LRRC7: variants seen among roughly 807,000 people sequenced by gnomAD.
LRRC7 encodes the protein leucine rich repeat containing 7.
A neutral mutation model predicts 175.7 loss-of-function variants in LRRC7; 23 were observed. The ratio of observed to expected loss-of-function variants is 0.13; its 90% CI spans 0.09 to 0.19. The LOEUF is 0.19. LRRC7 is among the 10% of genes least tolerant of loss of function. LRRC7 has a pLI of 1.00. For missense variants in LRRC7, 1,354 were observed against 1,904.7 expected, an observed-to-expected ratio of 0.71 and a Z score of 5.38; for synonymous variants, 685 against 680.9, an observed-to-expected ratio of 1.01 and a Z score of -0.09.
At position 69,812,898 on chromosome 1, in the gene LRRC7, A is replaced by G. The variant is rs150119264; in HGVS notation, c.422-12850A>G. ...GGTAGATGTTTTAGATCATCACCTC[A>G]AGCTATTGATGCGAAACTGTAACTA... On this transcript the variant is annotated intron_variant, in intron 4 of 26. Coordinates refer to ENST00000651989, the MANE Select transcript of LRRC7 (RefSeq NM_001370785.2). Among the ~76,000 whole-genome samples, 735 of 152,250 alleles carry G rather than the reference A, an allele frequency of 4.8e-3. 5 individuals are homozygous for G. Among genetic ancestry groups the G allele is most frequent in the African/African-American group, 0.016 (667 of 41,566 alleles).
intron 26 of LRRC7, among the ~76,000 whole-genome samples, chr1:70,120,183 C>T (rs1448912418): frequency 6.6e-6 from 1 of 152,036 alleles, no homozygotes; most frequent in African/African-American, 2.4e-5. Flanking sequence ...TAACGCAGAG[C>T]AAGAAATCTG....
chr1:69,781,757 G>A (rs1222102576), intron 3 of LRRC7, among the ~76,000 whole-genome samples: 1 of 50,208 alleles, frequency 2.0e-5, no homozygotes, highest in Non-Finnish European at 3.4e-5. Context: ...GAGAGAGAGA[G>A]AGAGAGAGAA....
At chr1:69,737,924 G>A (rs1430483946) in intron 2 of LRRC7, among the ~76,000 whole-genome samples, 2 of 152,036 alleles carry the variant, frequency 1.3e-5, no homozygotes, top group South Asian at 2.1e-4. Context: ...TTGTAAGACA[G>A]GAGGCAAAGG....
chr1:70,120,106 C>A (rs1393784926), intron 26 of LRRC7, among the ~76,000 whole-genome samples: 1 of 151,998 alleles, frequency 6.6e-6, no homozygotes, highest in Non-Finnish European at 1.5e-5. Flanking sequence ...ATGCTGTATT[C>A]TTTACTCTTC....
intron 1 of LRRC7, among the ~76,000 whole-genome samples, chr1:69,671,642 C>T (rs150844571): frequency 1.2e-4 from 18 of 152,208 alleles, no homozygotes; most frequent in African/African-American, 4.1e-4. Context: ...GCATTTTAGC[C>T]CATGGTAGTG....
At chr1:69,579,679 G>A (rs1254899438) in intron 1 of LRRC7, among the ~76,000 whole-genome samples, 2 of 152,078 alleles carry the variant, frequency 1.3e-5, no homozygotes, top group African/African-American at 2.4e-5. Flanking sequence ...GTAGCCATTA[G>A]CACAGTTTCC....
At chr1:69,870,571 A>T (rs183815667) in intron 7 of LRRC7, among the ~76,000 whole-genome samples, 89 of 152,244 alleles carry the variant, frequency 5.8e-4, no homozygotes, top group Admixed American at 2.7e-3. Context: ...TATGAAAAAA[A>T]TATCTCACCA....
chr1:69,686,609 CATT>C (rs1661180618), intron 2 of LRRC7, among the ~76,000 whole-genome samples: 1 of 151,884 alleles, frequency 6.6e-6, no homozygotes, highest in South Asian at 2.1e-4. Flanking sequence ...CACTCAAAAA[CATT>C]ATAAGTAAAT....
Position 69,568,317 on chromosome 1 carries a change from C to G in LRRC7, c.-323C>G, listed in dbSNP as rs186591746. The G allele has an allele frequency of 1.4e-4, 29 of 202,734 alleles. 1 individual carries two copies. The Admixed American group carries it at 1.8e-3, about 13-fold the overall frequency. 12.6% of individuals were successfully genotyped at this position (202,734 alleles called of 1,614,324 possible). On this transcript the variant is annotated 5_prime_UTR_variant, in exon 1 of 27. Transcript: ENST00000651989. ...CCGCCGCTGCTGCTGCGGTCGCTAG[C>G]GCGGCGCGCTGGGCAGGCTGAGGCT...
chr1:69,850,857 A>G (rs1682899086), intron 7 of LRRC7, among the ~76,000 whole-genome samples: 1 of 152,140 alleles, frequency 6.6e-6, no homozygotes, highest in South Asian at 2.1e-4. Flanking sequence ...GCTCAGGGAG[A>G]TAGATAAATT....
chr1:69,765,078 C>T (rs1242675144), intron 3 of LRRC7, among the ~76,000 whole-genome samples: 1 of 152,034 alleles, frequency 6.6e-6, no homozygotes, highest in Non-Finnish European at 1.5e-5. Context: ...TACACACTTA[C>T]ATCAACACAT....
intron 1 of LRRC7, among the ~76,000 whole-genome samples, chr1:69,596,798 C>T (rs549316696): frequency 1.8e-4 from 28 of 152,274 alleles, no homozygotes; most frequent in Non-Finnish European, 2.8e-4. Flanking sequence ...CAAGTTCACC[C>T]ACAAGTGGAC....
chr1:69,856,716 CT>C (rs1683681573), intron 7 of LRRC7, among the ~76,000 whole-genome samples: 1 of 152,170 alleles, frequency 6.6e-6, no homozygotes, highest in African/African-American at 2.4e-5. Context: ...CCTTCTGAAA[CT>C]ATTCCAATCA....
In LRRC7 at chr1:69,795,911, G is replaced by GTT. The variant is rs139511941; in HGVS notation, c.421+3751_421+3752insTT. On this transcript the variant is annotated intron_variant, in intron 4 of 26. Transcript: ENST00000651989. ...AATTTGAGTAAACAGATTTTTTTTG[G>GTT]GTTTTTTTTTGTTTTTTTCTTATTT... 5.8e-3 allele frequency among the ~76,000 whole-genome samples: 553 copies of GTT among 94,950 alleles called. 2 individuals carry two copies. The highest frequency in any genetic ancestry group is 0.016 in the African/African-American group (444 of 27,446). 62.3% of individuals were successfully genotyped at this position (94,950 alleles called of 152,430 possible).
intron 8 of LRRC7, among the ~76,000 whole-genome samples, chr1:69,954,415 G>T (rs1309240834): frequency 6.6e-6 from 1 of 152,002 alleles, no homozygotes; most frequent in African/African-American, 2.4e-5. Context: ...AAGTGATTTT[G>T]ATGTGATTAA....
chr1:69,659,201 A>G (rs981384038), intron 1 of LRRC7, among the ~76,000 whole-genome samples: 2 of 152,006 alleles, frequency 1.3e-5, no homozygotes, highest in African/African-American at 2.4e-5. Flanking sequence ...GAAAACTTAG[A>G]TGATGCATAA....
At chr1:69,789,905 A>G (rs971398862) in intron 3 of LRRC7, among the ~76,000 whole-genome samples, 2 of 152,100 alleles carry the variant, frequency 1.3e-5, no homozygotes, top group Non-Finnish European at 2.9e-5. Flanking sequence ...TTCATGCTTT[A>G]CTGTGTGACA....
chr1:69,656,951 G>A (rs1450425889), intron 1 of LRRC7, among the ~76,000 whole-genome samples: 1 of 151,096 alleles, frequency 6.6e-6, no homozygotes, highest in Non-Finnish European at 1.5e-5. Flanking sequence ...TATTTAAAAG[G>A]AAAAGAGAGA....
At chr1:69,841,961 A>G (rs1681780568) in intron 7 of LRRC7, among the ~76,000 whole-genome samples, 1 of 152,182 alleles carries the variant, frequency 6.6e-6, no homozygotes, top group African/African-American at 2.4e-5. Flanking sequence ...AATAGCTGAT[A>G]GCCCAGACTT....
Sources: allele counts gnomAD v4.1 joint callset (sites outside exome capture counted in the v4.1 genomes callset), GRCh38; gene constraint gnomAD v4.1.1; transcripts MANE v1.5; gene names NCBI Gene and HGNC (gene_info 2026-07-23, HGNC 2026-07-21).